ST6GAL1: variants seen among roughly 807,000 people sequenced by gnomAD.
The protein encoded by ST6GAL1 is ST6 beta-galactoside alpha-2,6-sialyltransferase 1.
Under a neutral mutation model 38.0 loss-of-function variants are expected in ST6GAL1, and 20 were observed. That is an observed-to-expected ratio of 0.53 (90% confidence interval 0.37 to 0.77). The LOEUF (loss-of-function observed/expected upper bound fraction) is 0.77. Ranked by LOEUF, ST6GAL1 falls within the 30% of genes least tolerant of loss-of-function variation. The pLI is 0.00. For missense variants in ST6GAL1, 432 were observed against 496.4 expected, an observed-to-expected ratio of 0.87 and a Z score of 1.23; for synonymous variants, 196 against 188.2, an observed-to-expected ratio of 1.04 and a Z score of -0.34.
chr3:187,051,165 C>A, intron 4 of ST6GAL1, 84 bp from the exon 5 acceptor site: 1 of 1,170,730 alleles, frequency 8.5e-7, no homozygotes, highest in South Asian at 1.2e-5. Context: ...TATTCCCTTG[C>A]CCCCTCCCCC....
At chr3:186,991,111 A>G (rs1164258608) in intron 2 of ST6GAL1, among the ~76,000 whole-genome samples, 1 of 152,118 alleles carries the variant, frequency 6.6e-6, no homozygotes, top group Non-Finnish European at 1.5e-5. Flanking sequence ...TGTGGGAGAG[A>G]CAGATAGCAC....
At chr3:186,966,641 C>T (rs1248108080) in intron 2 of ST6GAL1, among the ~76,000 whole-genome samples, 1 of 152,210 alleles carries the variant, frequency 6.6e-6, no homozygotes, top group Non-Finnish European at 1.5e-5. Context: ...CTACACTGTT[C>T]CTTTCAAACC....
chr3:187,063,800 C>G (rs1444783431), intron 5 of ST6GAL1, among the ~76,000 whole-genome samples: 1 of 152,210 alleles, frequency 6.6e-6, no homozygotes, highest in African/African-American at 2.4e-5. Flanking sequence ...GATCAGATCC[C>G]TCCCCCAACA....
At chr3:187,014,064 C>T (rs898169068) in intron 2 of ST6GAL1, among the ~76,000 whole-genome samples, 1 of 152,246 alleles carries the variant, frequency 6.6e-6, no homozygotes, top group African/African-American at 2.4e-5. Flanking sequence ...CTGGCAGGTA[C>T]AGGTTTGCCA....
intron 5 of ST6GAL1, among the ~76,000 whole-genome samples, chr3:187,066,269 A>G (rs1173741079): frequency 6.6e-6 from 1 of 152,138 alleles, no homozygotes; most frequent in African/African-American, 2.4e-5. Context: ...CTCAGTCACT[A>G]GTTCTCCGAA....
chr3:186,959,079 A>G (rs1411698166), intron 1 of ST6GAL1, among the ~76,000 whole-genome samples: 1 of 152,194 alleles, frequency 6.6e-6, no homozygotes, highest in African/African-American at 2.4e-5. Context: ...AAGCTGAATG[A>G]TTGTTTGCTG....
intron 2 of ST6GAL1, among the ~76,000 whole-genome samples, chr3:186,992,271 T>C (rs998161596): frequency 6.6e-6 from 1 of 152,130 alleles, no homozygotes; most frequent in Non-Finnish European, 1.5e-5. Flanking sequence ...CAAGATCTGA[T>C]GGTATTTTAA....
chr3:187,043,208 CTGCCCAAG>C lies in ST6GAL1; in HGVS notation c.506_513del (p.Leu169ArgfsTer4). 1 of 1,614,200 alleles carries C rather than the reference CTGCCCAAG, an allele frequency of 6.2e-7. No homozygotes were observed. Among genetic ancestry groups the C allele is most frequent in the Non-Finnish European group, 8.5e-7 (1 of 1,180,032 alleles). On this transcript the variant is annotated frameshift_variant, in exon 4 of 8. Transcript: ENST00000169298. LOFTEE classifies it high-confidence loss of function. ...CAATACCTCTGAATGGGAGGGTTATCTGCCCAAGGAGAGCATTAGGACCAAGGCTGGGC... is the reference window on the plus strand; with the variant it reads ...CAATACCTCTGAATGGGAGGGTTATCGAGAGCATTAGGACCAAGGCTGGGC...
chr3:187,013,884 C>T (rs768475308), intron 2 of ST6GAL1, among the ~76,000 whole-genome samples: 25 of 152,158 alleles, frequency 1.6e-4, no homozygotes, highest in Non-Finnish European at 2.1e-4. Context: ...CGCACCCGGC[C>T]GCAAATACTG....
intron 4 of ST6GAL1, among the ~76,000 whole-genome samples, chr3:187,049,581 A>G (rs934920506): frequency 6.6e-6 from 1 of 152,330 alleles, no homozygotes; most frequent in East Asian, 1.9e-4. Flanking sequence ...GTCTCCGCTC[A>G]TCAGGCCACA....
intron 5 of ST6GAL1, among the ~76,000 whole-genome samples, chr3:187,058,499 G>A (rs1718798677): frequency 6.6e-6 from 1 of 151,856 alleles, no homozygotes; most frequent in African/African-American, 2.4e-5. Context: ...TTGTTTTTTT[G>A]TTCTTCCTCT....
At position 186,962,734 on chromosome 3, in the gene ST6GAL1, A is replaced by G. The variant is rs149907065; in HGVS notation, c.-324-1051A>G. Among the ~76,000 whole-genome samples the G allele has an allele frequency of 6.6e-5, 10 of 152,270 alleles. No homozygotes were observed. The East Asian group carries it at 1.9e-3, about 29-fold the overall frequency. ...CCTGGAAGATTTTGTTTCAAACACT[A>G]TTTGCCATTAGCCAAAAACAAAACA... On this transcript the variant is annotated intron_variant, in intron 1 of 7. Coordinates refer to ENST00000169298, the MANE Select transcript of ST6GAL1 (RefSeq NM_173216.2).
Position 187,076,870 on chromosome 3 carries a change from C to T in ST6GAL1, c.*1067C>T. 2 of 399,078 alleles carry T rather than the reference C, an allele frequency of 5.0e-6. No homozygotes were observed. The highest frequency in any genetic ancestry group is 3.6e-5 in the East Asian group (1 of 28,072). 24.7% of individuals were successfully genotyped at this position (399,078 alleles called of 1,614,324 possible). On this transcript the variant is annotated 3_prime_UTR_variant, in exon 8 of 8. Coordinates refer to ENST00000169298, the MANE Select transcript of ST6GAL1 (RefSeq NM_173216.2). Reference sequence around the variant, plus strand: ...AATCCAGAGCCACAAAACGTGATTCCTCCAGGCTCTGCCTGGCCTGACCCT... The same window carrying T: ...AATCCAGAGCCACAAAACGTGATTCTTCCAGGCTCTGCCTGGCCTGACCCT...
chr3:186,962,984 A>G (rs1714981829), intron 1 of ST6GAL1, among the ~76,000 whole-genome samples: 1 of 152,304 alleles, frequency 6.6e-6, no homozygotes, highest in East Asian at 1.9e-4. Flanking sequence ...AAAACAAGAA[A>G]CAGGTAGAGT....
At chr3:186,962,236 T>C (rs907928726) in intron 1 of ST6GAL1, among the ~76,000 whole-genome samples, 6 of 152,200 alleles carry the variant, frequency 3.9e-5, no homozygotes, top group African/African-American at 1.4e-4. Flanking sequence ...CTCTTGTTTC[T>C]CTTTGTATCT....
At chr3:187,072,766 C>T (rs538590464) in intron 5 of ST6GAL1, 83 bp from the exon 6 acceptor site, 171 of 1,229,658 alleles carry the variant, frequency 1.4e-4, no homozygotes, top group Middle Eastern at 1.3e-3. Context: ...TCAGGCTGTA[C>T]CTTGTGCTAT....
chr3:186,986,410 A>G (rs1436471668), intron 2 of ST6GAL1: 1 of 152,640 alleles, frequency 6.6e-6, no homozygotes, highest in Non-Finnish European at 1.5e-5. Context: ...ACAGTATTAA[A>G]TACTATAGAA....
intron 2 of ST6GAL1, among the ~76,000 whole-genome samples, chr3:186,967,056 CTGT>C (rs1339900847): frequency 6.6e-6 from 1 of 152,202 alleles, no homozygotes; most frequent in Non-Finnish European, 1.5e-5. Flanking sequence ...TACTTCAAGG[CTGT>C]TTAGTACCTT....
intron 1 of ST6GAL1, among the ~76,000 whole-genome samples, chr3:186,958,075 A>C (rs961690162): frequency 2.0e-5 from 3 of 152,152 alleles, no homozygotes; most frequent in Non-Finnish European, 4.4e-5. Flanking sequence ...AGATTAGTAC[A>C]TAATGGTATA....
Sources: gnomAD v4.1 joint callset for allele counts (sites outside exome capture counted in the v4.1 genomes callset) on GRCh38, gnomAD v4.1.1 for gene constraint, MANE v1.5 for transcripts, NCBI Gene and HGNC (gene_info 2026-07-23, HGNC 2026-07-21) for gene names.